The following TAF3 variants were observed in gnomAD, a reference collection of about 807,000 sequenced individuals.
The protein encoded by TAF3 is transcription initiation factor TFIID subunit 3.
TAF3 carries 7 observed loss-of-function variants against 80.6 expected under a neutral mutation model. The observed-to-expected ratio is 0.09, with a 90% CI of 0.05 to 0.16. The LOEUF is 0.16. TAF3 is among the 10% of genes least tolerant of loss of function. The pLI is 1.00. For synonymous variants in TAF3, 444 were observed against 446.1 expected, an observed-to-expected ratio of 1.00 and a Z score of 0.06; for missense variants, 921 against 1,140.2, an observed-to-expected ratio of 0.81 and a Z score of 2.77.
intron 4 of TAF3, among the ~76,000 whole-genome samples, chr10:7,994,341 G>A (rs529756410): frequency 1.3e-5 from 2 of 152,090 alleles, no homozygotes; most frequent in East Asian, 3.9e-4. Context: ...GATGAATGGT[G>A]TTTAGGAATC....
chr10:7,916,976 C>G (rs1022195250), intron 2 of TAF3, among the ~76,000 whole-genome samples: 9 of 152,178 alleles, frequency 5.9e-5, no homozygotes, highest in African/African-American at 2.2e-4. Flanking sequence ...AGAACATAGG[C>G]TTTGGATTCA....
chr10:7,926,279 C>T (rs4749360), intron 2 of TAF3, among the ~76,000 whole-genome samples: 7 of 151,866 alleles, frequency 4.6e-5, no homozygotes, highest in Admixed American at 3.3e-4. Flanking sequence ...TTTTTTATTA[C>T]GCCAAGGAAG....
At chr10:7,965,821 T>C in intron 3 of TAF3, 79 bp downstream of exon 3, 3 of 1,410,522 alleles carry the variant, frequency 2.1e-6, no homozygotes, top group Non-Finnish European at 2.8e-6. Flanking sequence ...CACAATTATA[T>C]CTGTATTCTG....
rs141306985 is a variant in TAF3 at position 7,875,916 on chromosome 10, G to A, written c.409+51356G>A. Reference sequence around the variant, plus strand: ...TTTTTCTTGTACGACTAATTTTACCGACAGAAAATAATTGAACTCCAAACA... The same window carrying A: ...TTTTTCTTGTACGACTAATTTTACCAACAGAAAATAATTGAACTCCAAACA... On this transcript the variant is annotated intron_variant, in intron 2 of 6. Transcript: ENST00000344293. Among the ~76,000 whole-genome samples the A allele has an allele frequency of 3.7e-3, 565 of 151,922 alleles. 4 individuals carry two copies. Among genetic ancestry groups the A allele is most frequent in the South Asian group, 0.02 (95 of 4,812 alleles).
intron 2 of TAF3, among the ~76,000 whole-genome samples, chr10:7,938,320 A>G (rs945261899): frequency 6.6e-6 from 1 of 152,114 alleles, no homozygotes; most frequent in Non-Finnish European, 1.5e-5. Flanking sequence ...GCAGGAGGAC[A>G]GGGTGGAGGT....
At chr10:8,007,912 A>G (rs1306824664) in intron 4 of TAF3, among the ~76,000 whole-genome samples, 1 of 151,918 alleles carries the variant, frequency 6.6e-6, no homozygotes, top group Non-Finnish European at 1.5e-5. Context: ...ATTTGAACTC[A>G]GATGTCCTGG....
At chr10:8,010,234 C>T (rs1292787430) in intron 5 of TAF3, among the ~76,000 whole-genome samples, 1 of 152,200 alleles carries the variant, frequency 6.6e-6, no homozygotes, top group Non-Finnish European at 1.5e-5. Flanking sequence ...TGCAGTTTTT[C>T]ACTGCATTTT....
chr10:8,009,244 C>T lies in TAF3; in HGVS notation c.2482C>T (p.Leu828=), dbSNP rs1267376845. 1 of 1,514,614 alleles carries T rather than the reference C, an allele frequency of 6.6e-7. No individual in the cohort carries two copies. The highest frequency in any genetic ancestry group is 8.8e-7 in the Non-Finnish European group (1 of 1,132,970). The allele number at this position is 1,514,614 out of a possible 1,614,324, so 93.8% of individuals were successfully genotyped here. A position where few individuals can be genotyped will look rare whatever the true frequency, so the allele number is the denominator to read the frequency against. ...CCAGGCCGCCGCGGGCCCTGCCCTG[C>T]TGCCCTCCCCGGGTCCCGCCGCCTC... ...LAQAAAGPAL[L]PSPGPAASGA... The change falls in exon 5 of 7, where the codon CTG becomes TTG. Residue 828 remains leucine, a synonymous_variant. Transcript: ENST00000344293. This position sits in a 1 kb window ranked among gnomAD's most constrained non-coding sequence, Gnocchi z 4.1.
chr10:7,842,173 T>TTTG (rs1564345352), intron 2 of TAF3, among the ~76,000 whole-genome samples: 1 of 97,652 alleles, frequency 1.0e-5, no homozygotes, highest in African/African-American at 3.9e-5. Flanking sequence ...TGTTTTTTTT[T>TTTG]TTGTTTTTTT....
At chr10:7,852,562 A>G (rs1837038389) in intron 2 of TAF3, among the ~76,000 whole-genome samples, 1 of 152,178 alleles carries the variant, frequency 6.6e-6, no homozygotes, top group Non-Finnish European at 1.5e-5. Flanking sequence ...ATAAATTGGT[A>G]TAGTCGGTTC....
At chr10:7,851,813 C>G (rs1357167394) in intron 2 of TAF3, among the ~76,000 whole-genome samples, 1 of 152,174 alleles carries the variant, frequency 6.6e-6, no homozygotes, top group African/African-American at 2.4e-5. Context: ...AAGACAGGGT[C>G]TCACTCTGGC....
chr10:7,863,365 CT>C (rs1837166699), intron 2 of TAF3, among the ~76,000 whole-genome samples: 1 of 151,696 alleles, frequency 6.6e-6, no homozygotes. Flanking sequence ...AATCCCAGCA[CT>C]TTGGGAGGTT....
intron 2 of TAF3, among the ~76,000 whole-genome samples, chr10:7,912,774 C>T (rs747963404): frequency 2.6e-5 from 4 of 152,128 alleles, no homozygotes; most frequent in Non-Finnish European, 5.9e-5. Context: ...TGGCTTAATC[C>T]GTCAGTCCAG....
intron 4 of TAF3, among the ~76,000 whole-genome samples, chr10:7,980,321 A>G (rs1207750733): frequency 6.6e-6 from 1 of 152,252 alleles, no homozygotes; most frequent in African/African-American, 2.4e-5. Flanking sequence ...AGTCTTAAAT[A>G]AAGCAGTTAT....
chr10:7,974,133 T>TACACACACACACACACAC (rs56363651), intron 3 of TAF3, among the ~76,000 whole-genome samples: 2 of 145,256 alleles, frequency 1.4e-5, no homozygotes, highest in Admixed American at 1.4e-4. Context: ...TTCTGAAACA[T>TACACACACACACACACAC]ACACACACAC....
At chr10:8,006,045 C>T (rs940793075) in intron 4 of TAF3, among the ~76,000 whole-genome samples, 7 of 152,116 alleles carry the variant, frequency 4.6e-5, no homozygotes, top group African/African-American at 1.7e-4. Context: ...GAAAAACAAA[C>T]AAGGCCGGGC....
chr10:7,873,147 A>G (rs1472833577), intron 2 of TAF3, among the ~76,000 whole-genome samples: 1 of 152,182 alleles, frequency 6.6e-6, no homozygotes, highest in Non-Finnish European at 1.5e-5. Context: ...TATTTGTAAA[A>G]TATTTGAGAA....
chr10:7,856,412 G>C (rs1837080468), intron 2 of TAF3, among the ~76,000 whole-genome samples: 1 of 152,080 alleles, frequency 6.6e-6, no homozygotes, highest in Non-Finnish European at 1.5e-5. Context: ...CCCAGTAGGT[G>C]GAGGTTGCAG....
intron 2 of TAF3, among the ~76,000 whole-genome samples, chr10:7,930,054 A>T (rs929580455): frequency 6.6e-6 from 1 of 152,038 alleles, no homozygotes; most frequent in Admixed American, 6.5e-5. Flanking sequence ...ACAAAATAGC[A>T]AAGTGGGGTG....
Sources: gnomAD v4.1 joint callset for allele counts (sites outside exome capture counted in the v4.1 genomes callset) on GRCh38, gnomAD v4.1.1 for gene constraint, Gnocchi (gnomAD v3.1) non-coding constraint, MANE v1.5 for transcripts, NCBI Gene and HGNC (gene_info 2026-07-23, HGNC 2026-07-21) for gene names.